The following RIOX2 variants were observed in gnomAD, a reference collection of about 807,000 sequenced individuals.
RIOX2 encodes 60S ribosomal protein L27a histidine hydroxylase.
Under a neutral mutation model 51.2 loss-of-function variants are expected in RIOX2, and 43 were observed. The ratio of observed to expected loss-of-function variants is 0.84; its 90% CI spans 0.66 to 1.08. The LOEUF (loss-of-function observed/expected upper bound fraction) is 1.08. Ranked by LOEUF, RIOX2 falls within the 50% of genes least tolerant of loss-of-function variation. RIOX2 has a pLI of 0.00. For missense variants in RIOX2, 566 were observed against 561.7 expected (o/e 1.01, Z -0.08); for synonymous variants, 226 against 218.5 (o/e 1.03, Z -0.30).
At position 97,959,071 on chromosome 3, in the gene RIOX2, C is replaced by T. The variant is rs1437925381; in HGVS notation, c.661G>A (p.Val221Met). The change falls in exon 4 of 10, where the codon GTG (valine) becomes ATG (methionine). Residue 221 changes from valine (V) to methionine (M), a missense_variant. Val to Met is a conservative substitution (Grantham distance 21, BLOSUM62 1). Transcript: ENST00000394198. Reference protein sequence around the residue: ...VEAEERIGRPVHEFMLKPGDL... With the variant: ...VEAEERIGRPMHEFMLKPGDL... ...CATACCTTCAGCATAAACTCATGCACCGGCCTGCCGATCCTTTCCTCGGCC... is the reference window on the plus strand; with the variant it reads ...CATACCTTCAGCATAAACTCATGCATCGGCCTGCCGATCCTTTCCTCGGCC... 6.2e-7 allele frequency: 1 copy of T among 1,613,394 alleles called. No homozygotes were observed. Among genetic ancestry groups the T allele is most frequent in the East Asian group, 2.2e-5 (1 of 44,828 alleles).
rs765792018 is a variant in RIOX2 at position 97,947,275 on chromosome 3, G to A, written c.1149+86C>T. The A allele has an allele frequency of 6.3e-4, 625 of 996,420 alleles. 3 individuals are homozygous for A. The highest frequency in any genetic ancestry group is 8.9e-4 in the Non-Finnish European group (565 of 633,122). 61.7% of individuals were successfully genotyped at this position (996,420 alleles called of 1,614,324 possible). On this transcript the variant is annotated intron_variant, in intron 8 of 9. Transcript: ENST00000394198. ...GCAGGTGGATTCCTAAAGAAGGGCA[G>A]AGACCAGTGGTTAATCTAATAACCT...
chr3:97,943,093 CCATTTCAGACTTCTTT>C lies in RIOX2; in HGVS notation c.*2075_*2090del, dbSNP rs1277592007. The stretch of plus-strand genomic sequence containing the variant: ...GCTAAGCCTGTTCAAACTCAGCTTC[CCATTTCAGACTTCTTT>C]GTAAATGACACATTCATCCACCGAA... On this transcript the variant is annotated 3_prime_UTR_variant, in exon 10 of 10. Coordinates refer to ENST00000394198, the MANE Select transcript of RIOX2 (RefSeq NM_153182.4). 6.6e-6 allele frequency: 4 copies of C among 607,322 alleles called. No homozygotes were observed. The highest frequency in any genetic ancestry group is 3.8e-5 in the African/African-American group (2 of 52,890). The allele number at this position is 607,322 out of a possible 1,614,324, so 37.6% of individuals were successfully genotyped here. A position where few individuals can be genotyped will look rare whatever the true frequency, so the allele number is the denominator to read the frequency against.
chr3:97,952,053 A>G lies in RIOX2; in HGVS notation c.786-1165T>C, dbSNP rs1490797845. Reference sequence around the variant, plus strand: ...TTTAGGAATATCTCTTGAAGGGTCCACTTTGGTAAAACAACCAAATCAACA... The same window carrying G: ...TTTAGGAATATCTCTTGAAGGGTCCGCTTTGGTAAAACAACCAAATCAACA... On this transcript the variant is annotated intron_variant, in intron 5 of 9. Transcript: ENST00000394198. 6 of 616,124 alleles carry G rather than the reference A, an allele frequency of 9.7e-6. No individual in the cohort carries two copies. In the Admixed American group the frequency reaches 1.2e-4, roughly 12 times the overall value. 38.2% of individuals were successfully genotyped at this position (616,124 alleles called of 1,614,324 possible). A position where few individuals can be genotyped will look rare whatever the true frequency, so the allele number is the denominator to read the frequency against.
Position 97,959,531 on chromosome 3 carries a change from T to C in RIOX2, c.553-352A>G, listed in dbSNP as rs140920230. Among the ~76,000 whole-genome samples, 148 of 152,138 alleles carry C rather than the reference T, an allele frequency of 9.7e-4. 1 individual carries two copies. In the Middle Eastern group the frequency reaches 0.014, roughly 14 times the overall value. On this transcript the variant is annotated intron_variant, in intron 3 of 9. Coordinates refer to ENST00000394198, the MANE Select transcript of RIOX2 (RefSeq NM_153182.4). The stretch of plus-strand genomic sequence containing the variant: ...TGGGGTGTCACTTTGTTGCCCAGAA[T>C]GGTCTTGAACTCCTGGCTTTAAGCA...
At chr3:97,963,801 AC>A (rs1553714764) in intron 2 of RIOX2, among the ~76,000 whole-genome samples, 11 of 152,098 alleles carry the variant, frequency 7.2e-5, no homozygotes, top group Non-Finnish European at 1.5e-5. Flanking sequence ...TTTCATCTGG[AC>A]CTTTAGCCTC....
At chr3:97,957,352 C>T (rs1014966189) in intron 4 of RIOX2, among the ~76,000 whole-genome samples, 2 of 151,580 alleles carry the variant, frequency 1.3e-5, no homozygotes, top group African/African-American at 4.8e-5. Flanking sequence ...AAAAATTAGC[C>T]GGGCATGGTG....
At chr3:97,952,059 G>T in intron 5 of RIOX2, 1 of 707,828 alleles carries the variant, frequency 1.4e-6, no homozygotes, top group Non-Finnish European at 2.2e-6. Context: ...GTCCACTTTG[G>T]TAAAACAACC....
At chr3:97,956,940 C>A (rs1477177053) in intron 4 of RIOX2, among the ~76,000 whole-genome samples, 1 of 152,214 alleles carries the variant, frequency 6.6e-6, no homozygotes, top group African/African-American at 2.4e-5. Flanking sequence ...TAATAAGTGA[C>A]AGCAGCTGAA....
At chr3:97,965,395 C>T (rs1705850210) in intron 2 of RIOX2, among the ~76,000 whole-genome samples, 2 of 151,972 alleles carry the variant, frequency 1.3e-5, no homozygotes, top group African/African-American at 4.8e-5. Context: ...GCCTGTAATC[C>T]CAGCTACTAG....
intron 5 of RIOX2, chr3:97,952,366 A>G (rs904313946): frequency 3.5e-6 from 2 of 569,348 alleles, no homozygotes; most frequent in African/African-American, 3.9e-5. Flanking sequence ...CCCAGCTGAA[A>G]AGAGAAGAAA....
Position 97,950,802 on chromosome 3 carries a change from G to A in RIOX2, c.872C>T (p.Pro291Leu), listed in dbSNP as rs756432151. The A allele has an allele frequency of 1.2e-6, 2 of 1,613,492 alleles. No homozygotes were observed. Among genetic ancestry groups the A allele is most frequent in the East Asian group, 2.2e-5 (1 of 44,862 alleles). The change falls in exon 6 of 10, where the codon CCC (proline) becomes CTC (leucine). Residue 291 changes from proline (P) to leucine (L), a missense_variant. By Grantham distance (98) the Pro-to-Leu change is moderately conservative. Transcript: ENST00000394198. Reference protein sequence around the residue: ...KEDVELRTGIPRQLLLQVEST... With the variant: ...KEDVELRTGILRQLLLQVEST... ...ACTCCTTACCAGGAGCAGCTGCCGGGGTATGCCGGTCCGTAACTCCACGTC... is the reference window on the plus strand; with the variant it reads ...ACTCCTTACCAGGAGCAGCTGCCGGAGTATGCCGGTCCGTAACTCCACGTC...
intron 6 of RIOX2, 50 bp downstream of exon 6, chr3:97,950,736 G>A (rs1705212260): frequency 3.4e-6 from 5 of 1,462,042 alleles, no homozygotes; most frequent in Non-Finnish European, 3.8e-6. Flanking sequence ...ACTTCAGCTG[G>A]CCTGGGCTGC....
rs760028018 is a variant in RIOX2, at chr3:97,944,566, A to AT, written c.*617dup. On this transcript the variant is annotated 3_prime_UTR_variant, in exon 10 of 10. Transcript: ENST00000394198. ...AACTCGAAGACCCACTATTTTGAGT[A>AT]TTTTTTATAGACTTTAAATACTGGG... 5 of 152,338 alleles carry AT rather than the reference A, an allele frequency of 3.3e-5. No individual in the cohort carries two copies. The highest frequency in any genetic ancestry group is 7.2e-5 in the African/African-American group (3 of 41,416). 9.4% of individuals were successfully genotyped at this position (152,338 alleles called of 1,614,324 possible).
chr3:97,954,289 A>G, intron 5 of RIOX2, 103 bp downstream of exon 5: 1 of 781,864 alleles, frequency 1.3e-6, no homozygotes, highest in Non-Finnish European at 2.2e-6. Context: ...TGGGGTTTGC[A>G]TAGGAGGTAG....
At chr3:97,966,940 CAAT>C (rs749663040) in intron 2 of RIOX2, among the ~76,000 whole-genome samples, 5 of 152,230 alleles carry the variant, frequency 3.3e-5, no homozygotes, top group Non-Finnish European at 7.3e-5. Flanking sequence ...TGATACCCAA[CAAT>C]GTCTACCCTG....
chr3:97,943,667 T>C lies in RIOX2; in HGVS notation c.*1517A>G. ...TTATTGGACACTGGTGATGCTATTA[T>C]CCTGTATTATTTATTAATATCCTAC... On this transcript the variant is annotated 3_prime_UTR_variant, in exon 10 of 10. Transcript: ENST00000394198. The C allele has an allele frequency of 1.3e-5, 3 of 224,028 alleles. No individual in the cohort carries two copies. Among genetic ancestry groups the C allele is most frequent in the Non-Finnish European group, 2.6e-5 (3 of 116,926 alleles). The allele number at this position is 224,028 out of a possible 1,614,324, so 13.9% of individuals were successfully genotyped here. A position where few individuals can be genotyped will look rare whatever the true frequency, so the allele number is the denominator to read the frequency against.
At position 97,972,370 on chromosome 3, in the gene RIOX2, G is replaced by A. The variant is rs1706170281; in HGVS notation, c.-40+11C>T. On this transcript the variant is annotated intron_variant, in intron 1 of 9. Coordinates refer to ENST00000394198, the MANE Select transcript of RIOX2 (RefSeq NM_153182.4). ...CCGGCGCTGGGATGCCCACGAGAGC[G>A]CCCCACTCACCCGGCACGGCCTGTT... The A allele has an allele frequency of 6.6e-6, 1 of 151,676 alleles. No homozygotes were observed. Among genetic ancestry groups the A allele is most frequent in the South Asian group, 2.1e-4 (1 of 4,812 alleles). The allele number at this position is 151,676 out of a possible 1,614,324, so 9.4% of individuals were successfully genotyped here.
chr3:97,968,207 C>T lies in RIOX2; in HGVS notation c.-39-575G>A. ...GGCTGGAGCAGGCCACTGCCTTCTC[C>T]TGTCTCCACTAACCACCTGAACCTG... On this transcript the variant is annotated intron_variant, in intron 1 of 9. Coordinates refer to ENST00000394198, the MANE Select transcript of RIOX2 (RefSeq NM_153182.4). Among the ~76,000 whole-genome samples the T allele has an allele frequency of 1.3e-5, 2 of 152,142 alleles. 1 individual carries two copies. The highest frequency in any genetic ancestry group is 3.9e-4 in the East Asian group (2 of 5,180).
At position 97,949,850 on chromosome 3, in the gene RIOX2, T is replaced by C; in HGVS notation, c.1054A>G (p.Thr352Ala). 1 of 1,612,694 alleles carries C rather than the reference T, an allele frequency of 6.2e-7. No homozygotes were observed. The highest frequency in any genetic ancestry group is 8.5e-7 in the Non-Finnish European group (1 of 1,179,396). The change falls in exon 7 of 10, where the codon ACA becomes GCA. Residue 352 changes from threonine to alanine, a missense_variant. Thr to Ala is a moderately conservative substitution (Grantham distance 58). Coordinates refer to ENST00000394198, the MANE Select transcript of RIOX2 (RefSeq NM_153182.4). ...AGAAAACAGCAAGCTCCACCTGGTG[T>C]TGACAGCTCTGCCCCATCTCCCGCA... ...YSAGDGAELS[T>A]PGGKLPRLDS...
Sources: allele counts gnomAD v4.1 joint callset (sites outside exome capture counted in the v4.1 genomes callset), GRCh38; gene constraint gnomAD v4.1.1; transcripts MANE v1.5; gene names NCBI Gene and HGNC (gene_info 2026-07-23, HGNC 2026-07-21).